Variants in KCNQ2 observed in about 807,000 individuals in gnomAD.
The protein encoded by KCNQ2 is potassium voltage-gated channel subfamily Q member 2.
KCNQ2 carries 14 observed loss-of-function variants against 84.8 expected under a neutral mutation model. The ratio of observed to expected loss-of-function variants is 0.17; its 90% CI spans 0.11 to 0.26. The LOEUF (loss-of-function observed/expected upper bound fraction) is 0.26. KCNQ2 is among the 10% of genes least tolerant of loss of function. The probability of loss-of-function intolerance (pLI) is 1.00; values close to 1 mark genes in which losing one functional copy is unlikely to be tolerated. For missense variants in KCNQ2, 788 were observed against 1,254.0 expected (o/e 0.63, Z 5.61); for synonymous variants, 599 against 554.1 (o/e 1.08, Z -1.14).
rs1568914224 is a variant in KCNQ2, at chr20:63,432,711, C to CCCACCCTCAGGGAAGGCT, written c.1118+1080_1118+1097dup. Reference sequence around the variant, plus strand: ...GGAAGGCCCCACCCTCTGGGAAGGCCCCACCCTCAGGGAAGGCTCCACCCT... The same window carrying CCCACCCTCAGGGAAGGCT: ...GGAAGGCCCCACCCTCTGGGAAGGCCCCACCCTCAGGGAAGGCTCCACCCTCAGGGAAGGCTCCACCCT... On this transcript the variant is annotated intron_variant, in intron 8 of 16. Coordinates refer to ENST00000359125, the MANE Select transcript of KCNQ2 (RefSeq NM_172107.4). 2.9e-3 allele frequency among the ~76,000 whole-genome samples: 240 copies of CCCACCCTCAGGGAAGGCT among 83,990 alleles called. 2 individuals are homozygous for CCCACCCTCAGGGAAGGCT. Among genetic ancestry groups the CCCACCCTCAGGGAAGGCT allele is most frequent in the African/African-American group, 8.2e-3 (230 of 28,150 alleles). The allele number at this position is 83,990 out of a possible 152,430, so 55.1% of individuals were successfully genotyped here.
intron 1 of KCNQ2, among the ~76,000 whole-genome samples, chr20:63,453,244 C>T (rs554553457): frequency 6.6e-6 from 1 of 152,228 alleles, no homozygotes; most frequent in Non-Finnish European, 1.5e-5. Flanking sequence ...CCTGAGGCAC[C>T]GTCGCCAGGG....
intron 1 of KCNQ2, among the ~76,000 whole-genome samples, chr20:63,469,820 T>C (rs6011848): frequency 0.14 from 22,022 of 152,280 alleles, 2,241 homozygotes; most frequent in East Asian, 0.45. Context: ...CCAGAGGACA[T>C]GGGGCCATCA....
chr20:63,433,181 C>A (rs34102417), intron 8 of KCNQ2, among the ~76,000 whole-genome samples: 16,265 of 152,284 alleles, frequency 0.11, 1,096 homozygotes, highest in Non-Finnish European at 0.15. Flanking sequence ...AAGCCGCCCT[C>A]CGACCACACA....
At chr20:63,434,006 G>T in intron 7 of KCNQ2, 103 bp from the exon 8 acceptor site, 1 of 955,530 alleles carries the variant, frequency 1.0e-6, no homozygotes, top group Non-Finnish European at 1.6e-6. Context: ...CCCCCATGCT[G>T]TAGGCCAGGC....
intron 4 of KCNQ2, among the ~76,000 whole-genome samples, 198 bp from the exon 5 acceptor site, chr20:63,442,729 C>T (rs1600769650): frequency 1.7e-5 from 1 of 57,940 alleles, no homozygotes; most frequent in Non-Finnish European, 4.0e-5. Context: ...CCACCATCAT[C>T]ACCACCTCCA....
At chr20:63,426,565 C>T (rs2080642197) in intron 10 of KCNQ2, among the ~76,000 whole-genome samples, 1 of 151,876 alleles carries the variant, frequency 6.6e-6, no homozygotes, top group African/African-American at 2.4e-5. Context: ...CTCCCTGTTT[C>T]CTCTCATACT....
intron 1 of KCNQ2, among the ~76,000 whole-genome samples, chr20:63,469,785 G>A (rs1043358919): frequency 6.6e-6 from 1 of 152,228 alleles, no homozygotes; most frequent in Non-Finnish European, 1.5e-5. Context: ...TGCCTAACAC[G>A]CCACACGGGC....
chr20:63,451,923 G>A (rs1351436097), intron 1 of KCNQ2, among the ~76,000 whole-genome samples: 1 of 152,238 alleles, frequency 6.6e-6, no homozygotes, highest in Non-Finnish European at 1.5e-5. Context: ...GCGGGGCACA[G>A]GGTGGTCCTC....
intron 11 of KCNQ2, among the ~76,000 whole-genome samples, chr20:63,420,512 G>A (rs6062925): frequency 0.56 from 80,438 of 143,072 alleles, 21,702 homozygotes; most frequent in East Asian, 0.64. Context: ...TCTCAAACTC[G>A]GTGCCCCAGG....
In KCNQ2 at chr20:63,472,269, C is replaced by G; in HGVS notation, c.195G>C (p.Gly65=). 6.5e-7 allele frequency: 1 copy of G among 1,538,306 alleles called. No individual in the cohort carries two copies. Among genetic ancestry groups the G allele is most frequent in the Non-Finnish European group, 8.8e-7 (1 of 1,142,422 alleles). ...AGAAGGCGTTGCGCTTGGGGGGCTT[C>G]CCGGCGCCCGCGCCGCCCGCGCGAG... ...SKPRAGGAGA[G]KPPKRNAFYR... The change falls in exon 1 of 17, where the codon GGG becomes GGC. Residue 65 remains glycine (G), a synonymous_variant. Coordinates refer to ENST00000359125, the MANE Select transcript of KCNQ2 (RefSeq NM_172107.4).
At chr20:63,420,657 C>T (rs146967093) in intron 11 of KCNQ2, among the ~76,000 whole-genome samples, 312 of 152,284 alleles carry the variant, frequency 2.0e-3, no homozygotes, top group African/African-American at 7.1e-3. Flanking sequence ...GCTCTCCGAG[C>T]GGCGTCACAG....
At chr20:63,450,916 T>C (rs190670149) in intron 1 of KCNQ2, among the ~76,000 whole-genome samples, 28 of 151,916 alleles carry the variant, frequency 1.8e-4, no homozygotes, top group Middle Eastern at 3.4e-3. Context: ...GGCGGGCAGA[T>C]CACTTGAGAT....
intron 6 of KCNQ2, among the ~76,000 whole-genome samples, chr20:63,439,120 A>G (rs1450028160): frequency 3.3e-5 from 5 of 152,146 alleles, no homozygotes; most frequent in Non-Finnish European, 7.4e-5. Flanking sequence ...AAGGGCACAC[A>G]GTGAAGGGGA....
chr20:63,452,453 G>A (rs1026393251), intron 1 of KCNQ2, among the ~76,000 whole-genome samples: 1 of 152,200 alleles, frequency 6.6e-6, no homozygotes, highest in African/African-American at 2.4e-5. Flanking sequence ...ACGGCAGAGG[G>A]TCACTAGCTT....
rs1392647178 is a variant in KCNQ2 at position 63,472,438 on chromosome 20, C to G, written c.26G>C (p.Gly9Ala). MVQKSRNG[G>A]VYPGPSGEKK... ...CTCCCCGCTCGGGCCGGGGTATACG[C>G]CGCCGTTGCGCGACTTCTGCACCAT... Residue 9 changes from glycine (G) to alanine (A), a missense_variant, in exon 1 of 17, where the codon GGC (glycine) becomes GCC (alanine). Around this residue, in one of 8 missense-constraint regions of KCNQ2, gnomAD observed 41 missense variants for 41.2 expected, o/e 0.99. Coordinates refer to ENST00000359125, the MANE Select transcript of KCNQ2 (RefSeq NM_172107.4). The G allele has an allele frequency of 4.6e-6, 7 of 1,534,278 alleles. No homozygotes were observed. The East Asian group carries it at 1.8e-4, about 39-fold the overall frequency.
intron 15 of KCNQ2, among the ~76,000 whole-genome samples, chr20:63,411,294 GC>G: frequency 6.6e-6 from 1 of 152,306 alleles, no homozygotes; most frequent in South Asian, 2.1e-4. Context: ...GCCACCCAGG[GC>G]CCAGGTCTGG....
chr20:63,402,056 C>T lies in KCNQ2; in HGVS notation c.*4588G>A, dbSNP rs138459681. The T allele has an allele frequency of 4.8e-4, 72 of 148,974 alleles. 2 individuals are homozygous for T. In the East Asian group the frequency reaches 0.013, roughly 27 times the overall value. 9.2% of individuals were successfully genotyped at this position (148,974 alleles called of 1,614,324 possible). On this transcript the variant is annotated 3_prime_UTR_variant, in exon 17 of 17. Coordinates refer to ENST00000359125, the MANE Select transcript of KCNQ2 (RefSeq NM_172107.4). Reference sequence around the variant, plus strand: ...GCCCTGTGAACCATCCCTCTCACACCACGTCTGCCGGGCACCCTCCATGGC... The same window carrying T: ...GCCCTGTGAACCATCCCTCTCACACTACGTCTGCCGGGCACCCTCCATGGC...
At chr20:63,428,822 T>C (rs964667869) in intron 9 of KCNQ2, among the ~76,000 whole-genome samples, 1 of 152,028 alleles carries the variant, frequency 6.6e-6, no homozygotes, top group African/African-American at 2.4e-5. Context: ...AGCACGCGAA[T>C]ATATTTAGGG....
At chr20:63,445,622 T>C in intron 2 of KCNQ2, 1 of 581,488 alleles carries the variant, frequency 1.7e-6, no homozygotes, top group Non-Finnish European at 3.0e-6. Context: ...CTGTCTGAGC[T>C]GGGGACTCTA....
Sources: allele counts gnomAD v4.1 joint callset (sites outside exome capture counted in the v4.1 genomes callset), GRCh38; gene constraint gnomAD v4.1.1; regional missense constraint gnomAD v4.1.1; transcripts MANE v1.5; gene names NCBI Gene and HGNC (gene_info 2026-07-23, HGNC 2026-07-21).